The following TENT4B variants were observed in gnomAD, a reference collection of about 807,000 sequenced individuals.
TENT4B encodes the protein PAP associated domain containing 5.
TENT4B carries 10 observed loss-of-function variants against 75.0 expected under a neutral mutation model. The observed-to-expected ratio is 0.13, with a 90% CI of 0.08 to 0.23. TENT4B has a LOEUF of 0.23. Ranked by LOEUF, TENT4B falls within the 10% of genes least tolerant of loss-of-function variation. TENT4B has a pLI of 1.00. For missense variants in TENT4B, 579 were observed against 893.8 expected (o/e 0.65, Z 4.49); for synonymous variants, 350 against 357.7 (o/e 0.98, Z 0.24).
chr16:50,167,669 G>GTTA (rs1167855846), intron 1 of TENT4B, among the ~76,000 whole-genome samples: 1 of 149,432 alleles, frequency 6.7e-6, no homozygotes, highest in African/African-American at 2.5e-5. Flanking sequence ...AGGTTTTTTT[G>GTTA]TTGTTGTTGA....
At position 50,233,396 on chromosome 16, in the gene TENT4B, T is replaced by TA. The variant is rs2150757707; in HGVS notation, c.*4069dup. ...TTAACATAGCTAAGAAGCCAGATTT[T>TA]ACTGTAGAAGTTATTTACATGATTT... On this transcript the variant is annotated 3_prime_UTR_variant, in exon 12 of 12. Transcript: ENST00000561678. 3 of 985,488 alleles carry TA rather than the reference T, an allele frequency of 3.0e-6. No individual in the cohort carries two copies. The East Asian group carries it at 3.4e-4, about 112-fold the overall frequency. 61.0% of individuals were successfully genotyped at this position (985,488 alleles called of 1,614,324 possible).
chr16:50,213,646 T>A (rs905613978), intron 2 of TENT4B, among the ~76,000 whole-genome samples: 4 of 152,238 alleles, frequency 2.6e-5, no homozygotes, highest in Non-Finnish European at 5.9e-5. Context: ...TCTGAAAGTT[T>A]CCTGTGGTTG....
Position 50,153,841 on chromosome 16 carries a change from TCGGCCCCGGCCC to T in TENT4B, c.232_243del (p.Pro78_Ala81del), listed in dbSNP as rs755395130. 21 of 1,273,210 alleles carry T rather than the reference TCGGCCCCGGCCC, an allele frequency of 1.6e-5. No homozygotes were observed. The highest frequency in any genetic ancestry group is 4.2e-5 in the Admixed American group (1 of 23,930). The allele number at this position is 1,273,210 out of a possible 1,614,324, so 78.9% of individuals were successfully genotyped here. On this transcript the variant is annotated inframe_deletion, in exon 1 of 12. Coordinates refer to ENST00000561678, the MANE Select transcript of TENT4B (RefSeq NM_001365324.3). ...CACCGGCAGCCCCGGCGGCGCGGCC[TCGGCCCCGGCCC>T]CGGCCCCGGCCGGCATGTATCGCTC...
At chr16:50,204,460 C>G (rs545968586) in intron 1 of TENT4B, among the ~76,000 whole-genome samples, 25 of 152,272 alleles carry the variant, frequency 1.6e-4, no homozygotes, top group African/African-American at 5.8e-4. Flanking sequence ...AAGAGAATGA[C>G]AAGCAGTTGT....
intron 1 of TENT4B, among the ~76,000 whole-genome samples, chr16:50,203,224 C>G (rs1191763247): frequency 3.9e-5 from 6 of 152,070 alleles, no homozygotes; most frequent in Non-Finnish European, 2.9e-5. Flanking sequence ...GTATTTAAAT[C>G]TGTATGTCAT....
Position 50,231,077 on chromosome 16 carries a change from T to C in TENT4B, c.*1749T>C, listed in dbSNP as rs932794219. ...ACCAAAACTGATGTCATCACTGAAA[T>C]TAACAATTTTCAATATGTTCATATT... is the stretch of plus-strand genomic sequence containing the variant. On this transcript the variant is annotated 3_prime_UTR_variant, in exon 12 of 12. Coordinates refer to ENST00000561678, the MANE Select transcript of TENT4B (RefSeq NM_001365324.3). The C allele has an allele frequency of 6.1e-6, 6 of 983,540 alleles. No homozygotes were observed. The Admixed American group carries it at 2.5e-4, about 40-fold the overall frequency. The allele number at this position is 983,540 out of a possible 1,614,324, so 60.9% of individuals were successfully genotyped here.
At chr16:50,220,851 TTC>T (rs1190888336) in intron 5 of TENT4B, among the ~76,000 whole-genome samples, 1 of 152,212 alleles carries the variant, frequency 6.6e-6, no homozygotes, top group Non-Finnish European at 1.5e-5. Context: ...AAATACTTAT[TTC>T]TCCATATTTT....
intron 5 of TENT4B, among the ~76,000 whole-genome samples, chr16:50,221,952 T>G (rs143034886): frequency 2.0e-5 from 3 of 152,094 alleles, no homozygotes; most frequent in East Asian, 3.9e-4. Flanking sequence ...TTAGTAGAGA[T>G]AGGCGTTTCA....
intron 1 of TENT4B, among the ~76,000 whole-genome samples, chr16:50,208,263 A>C (rs918793230): frequency 6.6e-6 from 1 of 152,226 alleles, no homozygotes; most frequent in Non-Finnish European, 1.5e-5. Flanking sequence ...AGGTGGTGCC[A>C]TGGGCTATTG....
rs1004431963 is a variant in TENT4B, at chr16:50,230,056, C to T, written c.*728C>T. The T allele has an allele frequency of 7.1e-6, 7 of 984,568 alleles. No homozygotes were observed. Among genetic ancestry groups the T allele is most frequent in the Non-Finnish European group, 8.4e-6 (7 of 829,732 alleles). The allele number at this position is 984,568 out of a possible 1,614,324, so 61.0% of individuals were successfully genotyped here. ...GACTTAATAGAACCCTTGTGTCCTG[C>T]TGCAAAAATTTTTCCTCTCTAAAGA... On this transcript the variant is annotated 3_prime_UTR_variant, in exon 12 of 12. Transcript: ENST00000561678.
chr16:50,157,098 C>A (rs916096215), intron 1 of TENT4B, among the ~76,000 whole-genome samples: 2 of 152,178 alleles, frequency 1.3e-5, no homozygotes, highest in African/African-American at 4.8e-5. Flanking sequence ...TTTCTGAATT[C>A]TTAAGATGTG....
intron 5 of TENT4B, among the ~76,000 whole-genome samples, chr16:50,219,416 G>T (rs1173072223): frequency 2.6e-5 from 4 of 152,002 alleles, no homozygotes. Context: ...CTTTTTGTTG[G>T]TTACACAGGC....
chr16:50,188,837 C>G (rs2038585396), intron 1 of TENT4B, among the ~76,000 whole-genome samples: 1 of 152,124 alleles, frequency 6.6e-6, no homozygotes, highest in African/African-American at 2.4e-5. Flanking sequence ...GTGCTCCAGC[C>G]TGGGCAACAT....
chr16:50,154,287 C>T, intron 1 of TENT4B, 28 bp downstream of exon 1: 17 of 1,390,222 alleles, frequency 1.2e-5, no homozygotes, highest in Non-Finnish European at 1.6e-5. Context: ...GGCCCGATGG[C>T]CTGGCCGGTG....
intron 1 of TENT4B, among the ~76,000 whole-genome samples, chr16:50,201,854 G>T (rs2030674660): frequency 6.7e-6 from 1 of 149,112 alleles, no homozygotes; most frequent in South Asian, 2.1e-4. Context: ...AAAAAAGCGG[G>T]CTGGATACAG....
At chr16:50,190,818 A>G (rs1452720655) in intron 1 of TENT4B, among the ~76,000 whole-genome samples, 1 of 151,918 alleles carries the variant, frequency 6.6e-6, no homozygotes, top group African/African-American at 2.4e-5. Flanking sequence ...GAAACTTTTC[A>G]TCTCCTCCAT....
chr16:50,154,232 G>GGAGGAAC lies in TENT4B; in HGVS notation c.612_618dup (p.Tyr207GlufsTer12), dbSNP rs1342454168. 3 of 1,460,750 alleles carry GGAGGAAC rather than the reference G, an allele frequency of 2.1e-6. No individual in the cohort carries two copies. In the African/African-American group the frequency reaches 4.4e-5, roughly 21 times the overall value. The allele number at this position is 1,460,750 out of a possible 1,614,324, so 90.5% of individuals were successfully genotyped here. A position where few individuals can be genotyped will look rare whatever the true frequency, so the allele number is the denominator to read the frequency against. On this transcript the variant is annotated frameshift_variant, in exon 1 of 12. Coordinates refer to ENST00000561678, the MANE Select transcript of TENT4B (RefSeq NM_001365324.3). LOFTEE classifies it high-confidence loss of function. Reference sequence around the variant, plus strand: ...GTGTACAGCGGGACCCCGTGGAAACGGAGGAACTACAACCAGGGAGTCGTG... The same window carrying GGAGGAAC: ...GTGTACAGCGGGACCCCGTGGAAACGGAGGAACGAGGAACTACAACCAGGGAGTCGTG...
chr16:50,188,263 A>G (rs965428397), intron 1 of TENT4B, among the ~76,000 whole-genome samples: 4 of 152,130 alleles, frequency 2.6e-5, no homozygotes, highest in Non-Finnish European at 4.4e-5. Flanking sequence ...GGCTTCTGTT[A>G]CCTTGCCATG....
rs2032210202 is a variant in TENT4B, at chr16:50,229,584, A to G, written c.*256A>G. The G allele has an allele frequency of 8.4e-7, 1 of 1,195,642 alleles. No individual in the cohort carries two copies. The highest frequency in any genetic ancestry group is 1.0e-6 in the Non-Finnish European group (1 of 966,666). 74.1% of individuals were successfully genotyped at this position (1,195,642 alleles called of 1,614,324 possible). On this transcript the variant is annotated 3_prime_UTR_variant, in exon 12 of 12. Coordinates refer to ENST00000561678, the MANE Select transcript of TENT4B (RefSeq NM_001365324.3). ...TATTTGATAAGTCATATGCTACAACAGGGTCATTTTAAGATTTAAAGCTTG... is the reference window on the plus strand; with the variant it reads ...TATTTGATAAGTCATATGCTACAACGGGGTCATTTTAAGATTTAAAGCTTG...
Sources: gnomAD v4.1 joint callset for allele counts (sites outside exome capture counted in the v4.1 genomes callset) on GRCh38, gnomAD v4.1.1 for gene constraint, MANE v1.5 for transcripts, NCBI Gene and HGNC (gene_info 2026-07-23, HGNC 2026-07-21) for gene names.